Variants in MED13L observed in about 807,000 individuals in gnomAD.
The protein encoded by MED13L is mediator complex subunit 13L.
MED13L carries 7 observed loss-of-function variants against 220.9 expected under a neutral mutation model. The ratio of observed to expected loss-of-function variants is 0.03; its 90% CI spans 0.02 to 0.06. The LOEUF is 0.06. Among genes scored for constraint, MED13L ranks in the 10% least tolerant of loss-of-function variants. MED13L has a pLI of 1.00. For missense variants in MED13L, 1,965 were observed against 2,760.5 expected, an observed-to-expected ratio of 0.71 and a Z score of 6.46; for synonymous variants, 1,011 against 1,015.2, an observed-to-expected ratio of 1.00 and a Z score of 0.08.
chr12:116,224,078 A>C (rs1868716251), intron 2 of MED13L, among the ~76,000 whole-genome samples: 1 of 152,230 alleles, frequency 6.6e-6, no homozygotes, highest in African/African-American at 2.4e-5. Context: ...AATTACAATG[A>C]TGGGCAAAAG....
intron 1 of MED13L, among the ~76,000 whole-genome samples, chr12:116,250,468 A>T (rs1871440098): frequency 6.6e-6 from 1 of 151,986 alleles, no homozygotes; most frequent in Non-Finnish European, 1.5e-5. Context: ...TAAATAAAAA[A>T]TACTTTTTTT....
chr12:115,982,920 TTCA>T (rs1431779277), intron 21 of MED13L, among the ~76,000 whole-genome samples, 194 bp downstream of exon 21: 2 of 152,220 alleles, frequency 1.3e-5, no homozygotes, highest in African/African-American at 2.4e-5. Flanking sequence ...AAGTTTATAA[TTCA>T]TAATAATTTA....
At chr12:116,136,207 AT>A (rs1365546889) in intron 2 of MED13L, among the ~76,000 whole-genome samples, 7 of 151,972 alleles carry the variant, frequency 4.6e-5, no homozygotes, top group Non-Finnish European at 1.5e-5. Context: ...GGCCTCAAAG[AT>A]TCTTTTGGCT....
intron 20 of MED13L, 41 bp downstream of exon 20, chr12:115,984,139 T>C: frequency 6.3e-7 from 1 of 1,596,870 alleles, no homozygotes; most frequent in Non-Finnish European, 8.6e-7. Context: ...TTTGCTATTT[T>C]ACTTCTCCAA....
intron 1 of MED13L, among the ~76,000 whole-genome samples, chr12:116,252,198 T>G (rs1393364051): frequency 6.6e-6 from 1 of 152,122 alleles, no homozygotes; most frequent in African/African-American, 2.4e-5. Context: ...TTGACATTTA[T>G]AAAACATTAC....
At chr12:116,020,597 T>C (rs1034920179) in intron 5 of MED13L, among the ~76,000 whole-genome samples, 11 of 152,230 alleles carry the variant, frequency 7.2e-5, no homozygotes, top group Non-Finnish European at 1.3e-4. Flanking sequence ...TTGACTGTTT[T>C]AGAGGTCTGT....
chr12:116,020,125 AT>A (rs1879970995), intron 5 of MED13L, among the ~76,000 whole-genome samples, 153 bp from the exon 6 acceptor site: 1 of 152,124 alleles, frequency 6.6e-6, no homozygotes, highest in Non-Finnish European at 1.5e-5. Flanking sequence ...TTTAAAAGAA[AT>A]TTTTTTAAAA....
At chr12:116,270,054 T>C (rs1873161317) in intron 1 of MED13L, among the ~76,000 whole-genome samples, 1 of 151,190 alleles carries the variant, frequency 6.6e-6, no homozygotes, top group African/African-American at 2.4e-5. Flanking sequence ...AACCAAAACA[T>C]GCTAATATAA....
chr12:116,071,185 T>C (rs903295639), intron 4 of MED13L, among the ~76,000 whole-genome samples: 3 of 152,144 alleles, frequency 2.0e-5, no homozygotes, highest in Admixed American at 1.3e-4. Flanking sequence ...TACCAGGATA[T>C]AGAGAAGACA....
rs1359330336 is a variant in MED13L at position 115,982,439 on chromosome 12, T to C, written c.5120A>G (p.Tyr1707Cys). 3 of 1,614,186 alleles carry C rather than the reference T, an allele frequency of 1.9e-6. No homozygotes were observed. Among genetic ancestry groups the C allele is most frequent in the Non-Finnish European group, 2.5e-6 (3 of 1,180,016 alleles). ...AGGTAAATTATCCAGCATTTCTGTG[T>C]AGCAGCGCATCAAGCTCAACAGCCA... ...NFWLLSLMRCYTEMLDNLPEH... is the reference protein window; with the variant it reads ...NFWLLSLMRCCTEMLDNLPEH... Residue 1707 changes from tyrosine (Y) to cysteine (C), a missense_variant, in exon 22 of 31, where the codon TAC becomes TGC. Physicochemically the swap from Tyr to Cys is radical, Grantham distance 194 (BLOSUM62 -2). This residue lies in a region of MED13L where 510 missense variants were observed against 620.4 expected (regional missense o/e 0.82). Transcript: ENST00000281928.
chr12:115,961,483 C>A (rs1046506864), intron 30 of MED13L, 85 bp from the exon 31 acceptor site: 5 of 1,561,706 alleles, frequency 3.2e-6, no homozygotes, highest in Non-Finnish European at 3.5e-6. Context: ...CAGATCTTAG[C>A]AGGAAGGAGG....
intron 2 of MED13L, among the ~76,000 whole-genome samples, chr12:116,227,994 A>T (rs530660612): frequency 6.6e-6 from 1 of 152,332 alleles, no homozygotes; most frequent in South Asian, 2.1e-4. Flanking sequence ...CACATGAATG[A>T]TAAGAAAGTG....
chr12:116,020,057 G>A (rs1879967057), intron 5 of MED13L, 85 bp from the exon 6 acceptor site: 1 of 1,209,720 alleles, frequency 8.3e-7, no homozygotes, highest in African/African-American at 1.5e-5. Context: ...GTAATTTTAG[G>A]TTACAGTATC....
chr12:116,074,327 A>C (rs1733169318), intron 4 of MED13L, among the ~76,000 whole-genome samples: 1 of 152,218 alleles, frequency 6.6e-6, no homozygotes. Context: ...CCCAGGAAGC[A>C]GAGGTTGCAG....
intron 4 of MED13L, among the ~76,000 whole-genome samples, chr12:116,088,619 A>T (rs1397848407): frequency 6.6e-6 from 1 of 152,108 alleles, no homozygotes; most frequent in Admixed American, 6.6e-5. Flanking sequence ...GAGAAACCCT[A>T]GGATAAAAGA....
chr12:116,113,638 G>A (rs1874270917), intron 2 of MED13L, among the ~76,000 whole-genome samples: 1 of 148,044 alleles, frequency 6.8e-6, no homozygotes, highest in East Asian at 2.0e-4. Context: ...CAGCCTGCGT[G>A]ACAGAGTGAA....
chr12:115,984,121 G>A (rs1476413267), intron 20 of MED13L, 59 bp downstream of exon 20: 3 of 1,526,700 alleles, frequency 2.0e-6, no homozygotes, highest in Non-Finnish European at 2.7e-6. Context: ...AAGAAGGGAT[G>A]GGACGGATTT....
chr12:116,136,301 C>T (rs1027985788), intron 2 of MED13L, among the ~76,000 whole-genome samples: 2 of 152,136 alleles, frequency 1.3e-5, no homozygotes, highest in Non-Finnish European at 2.9e-5. Flanking sequence ...ATAAGTGTTT[C>T]TCAAATTGGG....
intron 2 of MED13L, among the ~76,000 whole-genome samples, chr12:116,124,279 T>C (rs1875389714): frequency 6.6e-6 from 1 of 152,188 alleles, no homozygotes; most frequent in African/African-American, 2.4e-5. Context: ...ATGGGTACCT[T>C]GGCTTTTATT....
Sources: allele counts gnomAD v4.1 joint callset (sites outside exome capture counted in the v4.1 genomes callset), GRCh38; gene constraint gnomAD v4.1.1; regional missense constraint gnomAD v4.1.1; transcripts MANE v1.5; gene names NCBI Gene and HGNC (gene_info 2026-07-23, HGNC 2026-07-21).